Variants in ZBTB20 observed in about 807,000 individuals in gnomAD.
ZBTB20 encodes zinc finger and BTB domain-containing protein 20.
Under a neutral mutation model 56.9 loss-of-function variants are expected in ZBTB20, and 9 were observed. That is an observed-to-expected ratio of 0.16 (90% CI 0.10 to 0.28). The LOEUF (loss-of-function observed/expected upper bound fraction) is 0.28, where lower values mean the gene tolerates loss of function less well. Ranked by LOEUF, ZBTB20 falls within the 10% of genes least tolerant of loss-of-function variation. The probability of loss-of-function intolerance (pLI) is 1.00; values close to 1 mark genes in which losing one functional copy is unlikely to be tolerated. For synonymous variants in ZBTB20, 417 were observed against 420.7 expected (o/e 0.99, Z 0.11); for missense variants, 655 against 1,003.0 (o/e 0.65, Z 4.69).
rs150103811 is a variant in ZBTB20 at position 114,580,787 on chromosome 3, T to C, written c.-294-80396A>G. Among the ~76,000 whole-genome samples the C allele has an allele frequency of 1.3e-4, 20 of 152,034 alleles. 1 individual carries two copies. In the East Asian group the frequency reaches 2.9e-3, roughly 22 times the overall value. On this transcript the variant is annotated intron_variant, in intron 6 of 11. Coordinates refer to ENST00000675478, the MANE Select transcript of ZBTB20 (RefSeq NM_001348800.3). ...TTATGATGGAAATTTTAAAACATGA[T>C]TATAGGATATGAAGATGATCACAAA...
rs554342702 is a variant in ZBTB20 at position 114,538,348 on chromosome 3, A to G, written c.-294-37957T>C. On this transcript the variant is annotated intron_variant, in intron 6 of 11. Transcript: ENST00000675478. Reference sequence around the variant, plus strand: ...TCAATGTTTTCCACAATTCTTCAACATTAGTAATAACTTCCTATATAGTAT... The same window carrying G: ...TCAATGTTTTCCACAATTCTTCAACGTTAGTAATAACTTCCTATATAGTAT... 4.6e-5 allele frequency among the ~76,000 whole-genome samples: 7 copies of G among 152,276 alleles called. No homozygotes were observed. In the South Asian group the frequency reaches 1.5e-3, roughly 32 times the overall value.
chr3:114,340,500 GA>G (rs2108093963), intron 11 of ZBTB20, among the ~76,000 whole-genome samples: 1 of 152,286 alleles, frequency 6.6e-6, no homozygotes, highest in South Asian at 2.1e-4. Flanking sequence ...GTTTGGCTTA[GA>G]AACCAAATGA....
At chr3:114,481,428 G>A (rs918818564) in intron 7 of ZBTB20, among the ~76,000 whole-genome samples, 5 of 152,162 alleles carry the variant, frequency 3.3e-5, no homozygotes, top group African/African-American at 9.7e-5. Context: ...GAGTGTACAA[G>A]CTTCTCTTGA....
intron 6 of ZBTB20, among the ~76,000 whole-genome samples, chr3:114,550,142 G>A (rs1577474324): frequency 6.6e-6 from 1 of 152,210 alleles, no homozygotes; most frequent in East Asian, 1.9e-4. Context: ...GTTTCACCGT[G>A]TTAGCCAGGA....
intron 5 of ZBTB20, among the ~76,000 whole-genome samples, chr3:114,765,698 G>A (rs750086923): frequency 2.0e-5 from 3 of 152,106 alleles, no homozygotes; most frequent in Non-Finnish European, 4.4e-5. Context: ...ACTAAATCAA[G>A]TTCAGAATAT....
At chr3:114,473,576 T>A (rs1204382066) in intron 7 of ZBTB20, among the ~76,000 whole-genome samples, 1 of 152,130 alleles carries the variant, frequency 6.6e-6, no homozygotes, top group African/African-American at 2.4e-5. Flanking sequence ...GTGGCTGTAG[T>A]CCTGGTGACT....
At chr3:114,659,032 G>C (rs2060570566) in intron 6 of ZBTB20, among the ~76,000 whole-genome samples, 1 of 152,178 alleles carries the variant, frequency 6.6e-6, no homozygotes, top group African/African-American at 2.4e-5. Flanking sequence ...TCTTCATCCA[G>C]GTTATCTCGT....
chr3:114,360,843 G>T (rs1485914820), intron 10 of ZBTB20, among the ~76,000 whole-genome samples: 1 of 152,024 alleles, frequency 6.6e-6, no homozygotes, highest in Non-Finnish European at 1.5e-5. Context: ...CGCACCTAGG[G>T]TATAGAACCA....
At chr3:114,533,685 G>A (rs1158088662) in intron 6 of ZBTB20, among the ~76,000 whole-genome samples, 1 of 152,002 alleles carries the variant, frequency 6.6e-6, no homozygotes, top group Non-Finnish European at 1.5e-5. Context: ...ACACATAATC[G>A]TCAGATTCAC....
chr3:114,801,511 A>G (rs1048165261), intron 4 of ZBTB20, among the ~76,000 whole-genome samples: 3 of 151,744 alleles, frequency 2.0e-5, no homozygotes, highest in African/African-American at 7.3e-5. Flanking sequence ...GATTAAAAAA[A>G]AACTCCTAAA....
At chr3:114,360,384 C>T (rs2081712754) in intron 10 of ZBTB20, among the ~76,000 whole-genome samples, 1 of 150,832 alleles carries the variant, frequency 6.6e-6, no homozygotes, top group Admixed American at 6.6e-5. Flanking sequence ...TGTTCTGTCC[C>T]CTAGGCTGGA....
At chr3:114,851,629 T>C (rs907317946) in intron 4 of ZBTB20, among the ~76,000 whole-genome samples, 14 of 152,142 alleles carry the variant, frequency 9.2e-5, no homozygotes, top group African/African-American at 3.4e-4. Flanking sequence ...AACTCTTTGA[T>C]TTATTAGTGT....
intron 3 of ZBTB20, among the ~76,000 whole-genome samples, chr3:114,919,137 AT>A (rs1444387520): frequency 5.3e-5 from 8 of 152,210 alleles, no homozygotes; most frequent in Admixed American, 5.2e-4. Flanking sequence ...TAGCTAGAAT[AT>A]TTGTTAATGG....
At chr3:114,643,250 C>T (rs1398732) in intron 6 of ZBTB20, among the ~76,000 whole-genome samples, 50,113 of 151,846 alleles carry the variant, frequency 0.33, 10,263 homozygotes, top group African/African-American at 0.57. Context: ...TGAGTGTTCC[C>T]CTTTTGAGGC....
intron 2 of ZBTB20, among the ~76,000 whole-genome samples, chr3:115,022,724 T>G (rs2080256515): frequency 2.0e-5 from 3 of 150,962 alleles, no homozygotes; most frequent in Admixed American, 6.6e-5. Flanking sequence ...GGGCAATCAT[T>G]TAAAAAATAT....
At chr3:114,495,948 C>T (rs1424071319) in intron 7 of ZBTB20, among the ~76,000 whole-genome samples, 1 of 152,162 alleles carries the variant, frequency 6.6e-6, no homozygotes, top group Non-Finnish European at 1.5e-5. Flanking sequence ...AAAAGCTATG[C>T]ACCTTTAATG....
At chr3:114,575,900 C>T (rs1431600860) in intron 6 of ZBTB20, among the ~76,000 whole-genome samples, 2 of 151,364 alleles carry the variant, frequency 1.3e-5, no homozygotes, top group Non-Finnish European at 2.9e-5. Flanking sequence ...ATTAACAAAG[C>T]ATGTGTTTGC....
At chr3:114,863,033 A>C (rs34752090) in intron 4 of ZBTB20, among the ~76,000 whole-genome samples, 7,374 of 152,240 alleles carry the variant, frequency 0.048, 276 homozygotes, top group Non-Finnish European at 0.073. Context: ...AAATATCTTC[A>C]TATACAATGC....
intron 4 of ZBTB20, among the ~76,000 whole-genome samples, chr3:114,873,715 T>A (rs2076093151): frequency 2.0e-5 from 3 of 152,318 alleles, no homozygotes; most frequent in African/African-American, 7.2e-5. Context: ...ATATTTCATT[T>A]CTAAAACCAT....
Sources: allele counts gnomAD v4.1 joint callset (sites outside exome capture counted in the v4.1 genomes callset), GRCh38; gene constraint gnomAD v4.1.1; transcripts MANE v1.5; gene names NCBI Gene and HGNC (gene_info 2026-07-23, HGNC 2026-07-21).